Variants in CAMK1D observed in about 807,000 individuals in gnomAD.
CAMK1D encodes calcium/calmodulin-dependent protein kinase type 1D.
Under a neutral mutation model 47.7 loss-of-function variants are expected in CAMK1D, and 9 were observed. That is an observed-to-expected ratio of 0.19 (90% confidence interval 0.11 to 0.33). The LOEUF (loss-of-function observed/expected upper bound fraction) is 0.33. Among genes scored for constraint, CAMK1D ranks in the 10% least tolerant of loss-of-function variants. The pLI, the probability that CAMK1D is intolerant of heterozygous loss-of-function variation, is 1.00. For missense variants in CAMK1D, 291 were observed against 488.7 expected (o/e 0.60, Z 3.81); for synonymous variants, 184 against 184.9 (o/e 0.99, Z 0.04).
intron 2 of CAMK1D, among the ~76,000 whole-genome samples, chr10:12,585,428 A>G (rs1051232338): frequency 1.3e-5 from 2 of 152,170 alleles, no homozygotes; most frequent in Non-Finnish European, 2.9e-5. Flanking sequence ...TACAGTTCCT[A>G]GGAGGGCTCA....
intron 5 of CAMK1D, among the ~76,000 whole-genome samples, chr10:12,783,241 C>T (rs1414020696): frequency 6.6e-6 from 1 of 152,194 alleles, no homozygotes; most frequent in Non-Finnish European, 1.5e-5. Flanking sequence ...GATCCGCCCA[C>T]CTCAGCCTCC....
chr10:12,833,436 A>AAAGATGAT lies in CAMK1D; in HGVS notation c.*4551_*4558dup, dbSNP rs1833452265. The AAAGATGAT allele has an allele frequency of 6.6e-6, 1 of 152,282 alleles. No individual in the cohort carries two copies. The highest frequency in any genetic ancestry group is 1.5e-5 in the Non-Finnish European group (1 of 68,070). 9.4% of individuals were successfully genotyped at this position (152,282 alleles called of 1,614,324 possible). A position where few individuals can be genotyped will look rare whatever the true frequency, so the allele number is the denominator to read the frequency against. ...TTATGAGCATTTTTAAACAGAAAGGAAAGATGATATCCCAGTGCAGGTAGA... is the reference window on the plus strand; with the variant it reads ...TTATGAGCATTTTTAAACAGAAAGGAAAGATGATAAGATGATATCCCAGTGCAGGTAGA... On this transcript the variant is annotated 3_prime_UTR_variant, in exon 11 of 11. Transcript: ENST00000619168.
At chr10:12,537,463 C>T (rs1008723359) in intron 1 of CAMK1D, among the ~76,000 whole-genome samples, 9 of 152,206 alleles carry the variant, frequency 5.9e-5, no homozygotes, top group African/African-American at 1.9e-4. Context: ...GCAATTTATA[C>T]TTAGCAACTC....
chr10:12,802,607 G>A lies in CAMK1D; in HGVS notation c.641+11374G>A, dbSNP rs371069593. On this transcript the variant is annotated intron_variant, in intron 6 of 10. Coordinates refer to ENST00000619168, the MANE Select transcript of CAMK1D (RefSeq NM_153498.4). ...ACAATCTCAGCTCACTGTAACCTCCGCCTCCTGGGTTCAAGCAATTCTCCT... is the reference window on the plus strand; with the variant it reads ...ACAATCTCAGCTCACTGTAACCTCCACCTCCTGGGTTCAAGCAATTCTCCT... Among the ~76,000 whole-genome samples the A allele has an allele frequency of 2.4e-3, 362 of 152,112 alleles. 1 individual carries two copies. Among genetic ancestry groups the A allele is most frequent in the Middle Eastern group, 0.01 (3 of 294 alleles).
intron 3 of CAMK1D, among the ~76,000 whole-genome samples, chr10:12,718,129 CA>C (rs1307087596): frequency 6.6e-6 from 1 of 152,062 alleles, no homozygotes; most frequent in Non-Finnish European, 1.5e-5. Flanking sequence ...GGGCAGGATC[CA>C]AAGCTCGTCA....
intron 6 of CAMK1D, among the ~76,000 whole-genome samples, chr10:12,793,080 C>T (rs1481140149): frequency 6.6e-6 from 1 of 152,070 alleles, no homozygotes; most frequent in African/African-American, 2.4e-5. Flanking sequence ...CTCACCCTGG[C>T]TCTCTAAGTC....
chr10:12,620,202 A>AAT (rs1838953373), intron 2 of CAMK1D, among the ~76,000 whole-genome samples: 1 of 146,110 alleles, frequency 6.8e-6, no homozygotes, highest in African/African-American at 2.5e-5. Context: ...AAAAAAAAAA[A>AAT]AAAAAAAAAA....
intron 1 of CAMK1D, among the ~76,000 whole-genome samples, chr10:12,510,083 T>TG (rs1802196598): frequency 6.6e-6 from 1 of 152,216 alleles, no homozygotes; most frequent in African/African-American, 2.4e-5. Flanking sequence ...TCAGTATCAA[T>TG]GAATGTGCCC....
intron 3 of CAMK1D, among the ~76,000 whole-genome samples, chr10:12,750,064 C>T (rs374706045): frequency 2.6e-5 from 4 of 152,194 alleles, no homozygotes; most frequent in African/African-American, 9.7e-5. Flanking sequence ...AAGAGCACAT[C>T]AATTGACAAA....
At chr10:12,563,664 TGAGAGAGAGA>T (rs373932374) in intron 2 of CAMK1D, among the ~76,000 whole-genome samples, 3 of 130,140 alleles carry the variant, frequency 2.3e-5, no homozygotes, top group African/African-American at 9.2e-5. Context: ...GCGGAAGGTT[TGAGAGAGAGA>T]GAGAGAGAGA....
intron 2 of CAMK1D, among the ~76,000 whole-genome samples, chr10:12,626,266 TGTGA>T (rs1207930669): frequency 6.6e-6 from 1 of 152,140 alleles, no homozygotes. Context: ...TGAACATTCT[TGTGA>T]GTCTTTTGCA....
intron 2 of CAMK1D, among the ~76,000 whole-genome samples, chr10:12,621,938 A>C (rs2132440793): frequency 6.6e-6 from 1 of 152,312 alleles, no homozygotes; most frequent in South Asian, 2.1e-4. Context: ...TGTTACTGCC[A>C]GGTGGAGTGA....
intron 1 of CAMK1D, among the ~76,000 whole-genome samples, chr10:12,486,549 A>ACG (rs1834223977): frequency 6.7e-6 from 1 of 150,182 alleles, no homozygotes; most frequent in South Asian, 2.1e-4. Context: ...ACACACACAC[A>ACG]CACGTACAGA....
At chr10:12,697,638 A>G (rs1833349486) in intron 3 of CAMK1D, among the ~76,000 whole-genome samples, 1 of 152,220 alleles carries the variant, frequency 6.6e-6, no homozygotes. Context: ...ACCTCAGGTG[A>G]TCTGCTCGCC....
At chr10:12,697,709 A>G (rs533594496) in intron 3 of CAMK1D, among the ~76,000 whole-genome samples, 9 of 152,240 alleles carry the variant, frequency 5.9e-5, no homozygotes, top group African/African-American at 2.2e-4. Flanking sequence ...AAATGCAAAG[A>G]TGTTTTTTGA....
chr10:12,803,680 A>T (rs1360732070), intron 6 of CAMK1D, among the ~76,000 whole-genome samples: 2 of 151,906 alleles, frequency 1.3e-5, no homozygotes, highest in African/African-American at 4.8e-5. Flanking sequence ...AATAATAACT[A>T]TGTGTGTGTG....
intron 1 of CAMK1D, among the ~76,000 whole-genome samples, chr10:12,535,494 G>C (rs1197199622): frequency 6.6e-6 from 1 of 152,144 alleles, no homozygotes. Flanking sequence ...CATGAAGTCA[G>C]CTCCAAGAAA....
At chr10:12,541,583 A>C (rs1032230058) in intron 1 of CAMK1D, among the ~76,000 whole-genome samples, 3 of 151,634 alleles carry the variant, frequency 2.0e-5, no homozygotes, top group Non-Finnish European at 1.5e-5. Flanking sequence ...CTGGTCTCGA[A>C]CTCCTGAGCT....
intron 5 of CAMK1D, among the ~76,000 whole-genome samples, chr10:12,771,666 A>T (rs990990302): frequency 1.3e-5 from 2 of 152,190 alleles, no homozygotes; most frequent in South Asian, 4.1e-4. Context: ...ACACCATCGC[A>T]GGGGGGCTCA....
Sources: gnomAD v4.1 joint callset for allele counts (sites outside exome capture counted in the v4.1 genomes callset) on GRCh38, gnomAD v4.1.1 for gene constraint, MANE v1.5 for transcripts, NCBI Gene and HGNC (gene_info 2026-07-23, HGNC 2026-07-21) for gene names.